The following ATP8B4 variants were observed in gnomAD, a reference collection of about 807,000 sequenced individuals.
ATP8B4 encodes the protein ATPase phospholipid transporting 8B4 (putative).
A neutral mutation model predicts 145.6 loss-of-function variants in ATP8B4; 133 were observed. The ratio of observed to expected loss-of-function variants is 0.91; its 90% confidence interval spans 0.79 to 1.05. The LOEUF is 1.05. ATP8B4 is among the 50% of genes least tolerant of loss of function. The pLI, the probability that ATP8B4 is intolerant of heterozygous loss-of-function variation, is 0.00. For missense variants in ATP8B4, 1,458 were observed against 1,425.2 expected (o/e 1.02, Z -0.37); for synonymous variants, 507 against 492.9 (o/e 1.03, Z -0.38).
At chr15:49,994,355 C>G (rs1466004286) in intron 9 of ATP8B4, among the ~76,000 whole-genome samples, 2 of 152,106 alleles carry the variant, frequency 1.3e-5, no homozygotes, top group East Asian at 3.9e-4. Context: ...TTAGGACTTT[C>G]CTTTGCCCTC....
At chr15:50,170,966 G>C (rs922358309) in intron 1 of ATP8B4, among the ~76,000 whole-genome samples, 1 of 152,148 alleles carries the variant, frequency 6.6e-6, no homozygotes, top group African/African-American at 2.4e-5. Context: ...GATGAAGAGA[G>C]ACAGCATAGA....
At chr15:50,092,008 C>T (rs1238757996) in intron 2 of ATP8B4, among the ~76,000 whole-genome samples, 1 of 152,054 alleles carries the variant, frequency 6.6e-6, no homozygotes, top group African/African-American at 2.4e-5. Flanking sequence ...TAAAGTAAAC[C>T]TGATATTCTG....
At chr15:50,169,056 G>A (rs1446648032) in intron 1 of ATP8B4, among the ~76,000 whole-genome samples, 1 of 152,126 alleles carries the variant, frequency 6.6e-6, no homozygotes, top group African/African-American at 2.4e-5. Flanking sequence ...AGCTCAGACA[G>A]GCCTAGCCCC....
intron 6 of ATP8B4, among the ~76,000 whole-genome samples, chr15:50,029,715 A>G (rs545287838): frequency 1.3e-5 from 2 of 152,212 alleles, no homozygotes; most frequent in Non-Finnish European, 2.9e-5. Context: ...AGAAGCAGAG[A>G]GGAAAAAGAA....
At position 49,987,568 on chromosome 15, in the gene ATP8B4, A is replaced by T. The variant is rs2046721500; in HGVS notation, c.590-19T>A. 6.2e-7 allele frequency: 1 copy of T among 1,607,534 alleles called. No individual in the cohort carries two copies. The highest frequency in any genetic ancestry group is 1.3e-5 in the African/African-American group (1 of 74,592). ...ACAATCCCTGGAAAATAAAAAAACA[A>T]AACAAACCTCTTTATGACTCACCCA... On this transcript the variant is annotated intron_variant, in intron 9 of 27. Coordinates refer to ENST00000284509, the MANE Select transcript of ATP8B4 (RefSeq NM_024837.4).
At chr15:49,952,762 G>GGAGGTGAA (rs1344927699) in intron 14 of ATP8B4, among the ~76,000 whole-genome samples, 4 of 152,104 alleles carry the variant, frequency 2.6e-5, no homozygotes, top group African/African-American at 7.2e-5. Context: ...GCAATCATTT[G>GGAGGTGAA]GAGGTGAAGA....
intron 6 of ATP8B4, chr15:50,018,838 C>T (rs2049305523): frequency 4.4e-5 from 37 of 850,456 alleles, no homozygotes; most frequent in Non-Finnish European, 6.1e-5. Context: ...TATTTATAAT[C>T]ATGGGTAAAA....
At chr15:50,129,343 G>A (rs2057329164) in intron 1 of ATP8B4, among the ~76,000 whole-genome samples, 8 of 152,148 alleles carry the variant, frequency 5.3e-5, no homozygotes, top group Admixed American at 5.2e-4. Flanking sequence ...TCAAGGTGTT[G>A]GCAAAGCTGG....
intron 20 of ATP8B4, among the ~76,000 whole-genome samples, chr15:49,909,528 C>T (rs1406035503): frequency 3.3e-5 from 5 of 152,038 alleles, no homozygotes; most frequent in African/African-American, 9.7e-5. Flanking sequence ...CCCACCAGGA[C>T]ACACTAATGC....
In ATP8B4 at chr15:49,879,370, A is replaced by C. The variant is rs761382097; in HGVS notation, c.2781+6T>G. On this transcript the variant is annotated splice_donor_region_variant and intron_variant, in intron 24 of 27. Coordinates refer to ENST00000284509, the MANE Select transcript of ATP8B4 (RefSeq NM_024837.4). ...ACTAAGTTATAAAGATGGAAAAAAA[A>C]CATACCTGGTCAAAAATCCCCATGG... The C allele has an allele frequency of 2.5e-6, 4 of 1,605,420 alleles. No individual in the cohort carries two copies. Among genetic ancestry groups the C allele is most frequent in the East Asian group, 4.5e-5 (2 of 44,788 alleles).
chr15:50,164,774 T>C (rs2044571544), intron 1 of ATP8B4, among the ~76,000 whole-genome samples: 1 of 152,258 alleles, frequency 6.6e-6, no homozygotes, highest in African/African-American at 2.4e-5. Flanking sequence ...ACTCAGACTC[T>C]GACCATTGAG....
intron 10 of ATP8B4, among the ~76,000 whole-genome samples, chr15:49,983,176 T>G (rs932046677): frequency 1.3e-5 from 2 of 152,200 alleles, no homozygotes; most frequent in African/African-American, 4.8e-5. Context: ...ACAAGATGTG[T>G]ATCCCCAGCT....
intron 20 of ATP8B4, among the ~76,000 whole-genome samples, chr15:49,908,295 C>T (rs908953193): frequency 2.0e-5 from 3 of 152,174 alleles, no homozygotes; most frequent in Non-Finnish European, 4.4e-5. Context: ...CTGGCAGTTG[C>T]CTCCTCCACA....
chr15:50,015,753 C>A (rs1183961649), intron 6 of ATP8B4, among the ~76,000 whole-genome samples: 1 of 152,230 alleles, frequency 6.6e-6, no homozygotes, highest in Non-Finnish European at 1.5e-5. Context: ...TAATAACAGA[C>A]TGGTGAACAG....
At chr15:50,013,644 T>G (rs1404520944) in intron 6 of ATP8B4, among the ~76,000 whole-genome samples, 4 of 152,114 alleles carry the variant, frequency 2.6e-5, no homozygotes, top group Non-Finnish European at 4.4e-5. Flanking sequence ...AAAATCCAAG[T>G]AAAAAATTCA....
chr15:49,999,012 C>T lies in ATP8B4; in HGVS notation c.507-2253G>A, dbSNP rs1457452717. ...TAAATAGGGAATCCTTTCCCCATTG[C>T]TTGTTTTTCTCAGGTTTGTCAAATA... On this transcript the variant is annotated intron_variant, in intron 8 of 27. Coordinates refer to ENST00000284509, the MANE Select transcript of ATP8B4 (RefSeq NM_024837.4). Among the ~76,000 whole-genome samples the T allele has an allele frequency of 4.6e-5, 7 of 152,216 alleles. No homozygotes were observed. The South Asian group carries it at 1.5e-3, about 32-fold the overall frequency.
At chr15:49,936,210 T>A (rs569536725) in intron 14 of ATP8B4, among the ~76,000 whole-genome samples, 13 of 152,244 alleles carry the variant, frequency 8.5e-5, no homozygotes, top group South Asian at 8.3e-4. Flanking sequence ...AGGCTGATTG[T>A]TTGTCAGGTC....
intron 16 of ATP8B4, among the ~76,000 whole-genome samples, chr15:49,926,644 C>T (rs990111858): frequency 1.2e-4 from 19 of 152,138 alleles, no homozygotes; most frequent in African/African-American, 4.3e-4. Context: ...CATAGAACTA[C>T]CTTTCAACTT....
chr15:50,170,882 G>A (rs149447052), intron 1 of ATP8B4, among the ~76,000 whole-genome samples: 145 of 152,222 alleles, frequency 9.5e-4, no homozygotes, highest in Non-Finnish European at 1.7e-3. Flanking sequence ...CATGCAAATG[G>A]ACACAAAAAG....
Sources: gnomAD v4.1 joint callset for allele counts (sites outside exome capture counted in the v4.1 genomes callset) on GRCh38, gnomAD v4.1.1 for gene constraint, MANE v1.5 for transcripts, NCBI Gene and HGNC (gene_info 2026-07-23, HGNC 2026-07-21) for gene names.